INVS: variants seen among roughly 807,000 people sequenced by gnomAD.
INVS encodes the protein inversin, also known as inversion of embryo turning homolog.
INVS carries 86 observed loss-of-function variants against 108.8 expected under a neutral mutation model. That is an observed-to-expected ratio of 0.79 (90% CI 0.66 to 0.95). The LOEUF (loss-of-function observed/expected upper bound fraction) is 0.95. INVS is among the 40% of genes least tolerant of loss of function. INVS has a pLI of 0.00. For synonymous variants in INVS, 455 were observed against 473.5 expected (o/e 0.96, Z 0.51); for missense variants, 1,169 against 1,297.4 (o/e 0.90, Z 1.52).
intron 13 of INVS, among the ~76,000 whole-genome samples, chr9:100,286,071 G>A (rs558623441): frequency 9.9e-5 from 15 of 152,256 alleles, no homozygotes; most frequent in African/African-American, 3.4e-4. Flanking sequence ...AGTTCAATCT[G>A]TTTCTTTGAA....
intron 10 of INVS, among the ~76,000 whole-genome samples, chr9:100,260,746 G>A (rs1239900742): frequency 6.6e-6 from 1 of 152,064 alleles, no homozygotes; most frequent in Admixed American, 6.6e-5. Context: ...GAAGCTTGGG[G>A]GGAGATTTAA....
rs1273630426 is a variant in INVS, at chr9:100,292,744, T to C, written c.2487T>C (p.Arg829=). 1.9e-6 allele frequency: 3 copies of C among 1,614,020 alleles called. No homozygotes were observed. Among genetic ancestry groups the C allele is most frequent in the Non-Finnish European group, 2.5e-6 (3 of 1,180,030 alleles). ...VHAGQNPPHH[R]TPRNKVTQAK... ...CTGGGCAGAATCCTCCCCACCATCG[T>C]ACACCAAGAAACAAAGTGACACAAG... is the stretch of plus-strand genomic sequence containing the variant. The change falls in exon 14 of 17, where the codon CGT becomes CGC. Residue 829 remains arginine, a synonymous_variant. Coordinates refer to ENST00000262457, the MANE Select transcript of INVS (RefSeq NM_014425.5).
At chr9:100,252,175 G>T (rs774076846) in intron 8 of INVS, 108 bp from the exon 9 acceptor site, 2 of 1,225,528 alleles carry the variant, frequency 1.6e-6, no homozygotes, top group African/African-American at 3.0e-5. Context: ...AATGGAGATT[G>T]CATTTATTCA....
At chr9:100,191,135 G>A (rs575550230) in intron 3 of INVS, among the ~76,000 whole-genome samples, 1 of 152,188 alleles carries the variant, frequency 6.6e-6, no homozygotes, top group Non-Finnish European at 1.5e-5. Context: ...TGGTATTACA[G>A]GCATTAGCTA....
intron 3 of INVS, among the ~76,000 whole-genome samples, chr9:100,193,200 A>G (rs983669480): frequency 1.3e-5 from 2 of 151,988 alleles, no homozygotes; most frequent in African/African-American, 4.8e-5. Flanking sequence ...GGCTGGTCTT[A>G]TACTGCTGGC....
At chr9:100,275,352 C>G (rs1434969655) in intron 12 of INVS, among the ~76,000 whole-genome samples, 1 of 152,120 alleles carries the variant, frequency 6.6e-6, no homozygotes, top group African/African-American at 2.4e-5. Context: ...AATCTATTTT[C>G]AAAATTTGTA....
chr9:100,190,040 T>C (rs146370543), intron 3 of INVS, among the ~76,000 whole-genome samples: 10 of 152,312 alleles, frequency 6.6e-5, no homozygotes, highest in African/African-American at 1.9e-4. Context: ...TGTGTTTCTG[T>C]CCAACTCTGG....
chr9:100,134,175 G>T (rs750002364), intron 3 of INVS, among the ~76,000 whole-genome samples: 1 of 152,018 alleles, frequency 6.6e-6, no homozygotes, highest in Non-Finnish European at 1.5e-5. Flanking sequence ...CCACATATCA[G>T]TGAGAACATA....
chr9:100,269,697 T>C (rs1209308104), intron 11 of INVS, among the ~76,000 whole-genome samples: 4 of 152,232 alleles, frequency 2.6e-5, no homozygotes, highest in Non-Finnish European at 5.9e-5. Flanking sequence ...TCATCCTTTT[T>C]TCTGCCTCAT....
intron 3 of INVS, among the ~76,000 whole-genome samples, chr9:100,140,938 A>G (rs1182669327): frequency 6.6e-6 from 1 of 152,182 alleles, no homozygotes; most frequent in East Asian, 1.9e-4. Flanking sequence ...AGGACATTTA[A>G]TTAGAGAGTG....
At chr9:100,102,790 T>A (rs970253332) in intron 1 of INVS, 1 of 152,276 alleles carries the variant, frequency 6.6e-6, no homozygotes, top group Non-Finnish European at 1.5e-5. Flanking sequence ...ATTGCACCTA[T>A]GAATAGCCAC....
intron 3 of INVS, among the ~76,000 whole-genome samples, chr9:100,153,815 A>C (rs1828882286): frequency 6.6e-6 from 1 of 152,182 alleles, no homozygotes. Context: ...GACCAAACTC[A>C]CTTATATCAG....
chr9:100,272,741 C>T (rs1036574093), intron 11 of INVS, 123 bp from the exon 12 acceptor site: 2 of 926,618 alleles, frequency 2.2e-6, no homozygotes, highest in African/African-American at 1.7e-5. Context: ...GTGGCTTTGC[C>T]TGGGGAATAT....
At chr9:100,161,629 GGAT>G (rs1416621335) in intron 3 of INVS, among the ~76,000 whole-genome samples, 14 of 151,824 alleles carry the variant, frequency 9.2e-5, no homozygotes, top group Admixed American at 9.2e-4. Flanking sequence ...ATGGATGGAT[GGAT>G]GGATGGATGG....
At chr9:100,216,735 G>T (rs940790752) in intron 3 of INVS, among the ~76,000 whole-genome samples, 1 of 152,126 alleles carries the variant, frequency 6.6e-6, no homozygotes, top group Non-Finnish European at 1.5e-5. Flanking sequence ...CCCTGCAGCC[G>T]CAACCACATG....
intron 3 of INVS, among the ~76,000 whole-genome samples, chr9:100,222,256 T>G (rs1831174676): frequency 6.6e-6 from 1 of 152,190 alleles, no homozygotes; most frequent in Non-Finnish European, 1.5e-5. Context: ...TTGTTCACTG[T>G]TCTAAGAACT....
chr9:100,300,840 T>C lies in INVS; in HGVS notation c.*166T>C, dbSNP rs1422742898. On this transcript the variant is annotated 3_prime_UTR_variant, in exon 17 of 17. Coordinates refer to ENST00000262457, the MANE Select transcript of INVS (RefSeq NM_014425.5). ...GAAAGAAAATGTCAGAATGTTTCCT[T>C]TCTGCTCTTACACAGCATTGTTTTG... 1.4e-5 allele frequency: 9 copies of C among 658,420 alleles called. No individual in the cohort carries two copies. The highest frequency in any genetic ancestry group is 2.2e-5 in the Non-Finnish European group (8 of 365,692). The allele number at this position is 658,420 out of a possible 1,614,324, so 40.8% of individuals were successfully genotyped here.
chr9:100,144,455 G>T (rs569751546), intron 3 of INVS, among the ~76,000 whole-genome samples: 2 of 152,098 alleles, frequency 1.3e-5, no homozygotes, highest in African/African-American at 2.4e-5. Context: ...GCTGTAAAGC[G>T]TCTCAGGGTT....
chr9:100,124,381 C>T (rs1827820317), intron 2 of INVS, among the ~76,000 whole-genome samples: 1 of 151,896 alleles, frequency 6.6e-6, no homozygotes, highest in Non-Finnish European at 1.5e-5. Flanking sequence ...CCACATCATA[C>T]AGCAAGGTTA....
Sources: allele counts gnomAD v4.1 joint callset (sites outside exome capture counted in the v4.1 genomes callset), GRCh38; gene constraint gnomAD v4.1.1; transcripts MANE v1.5; gene names NCBI Gene and HGNC (gene_info 2026-07-23, HGNC 2026-07-21).